Variants in SCARB1 observed in about 807,000 individuals in gnomAD.
SCARB1 encodes scavenger receptor class B member 1, also known as CD36 and LIMPII analogous 1.
In SCARB1, 30 loss-of-function variants were observed where a neutral mutation model predicts 57.2. That is an observed-to-expected ratio of 0.52 (90% CI 0.39 to 0.71). The LOEUF is 0.71. Ranked by LOEUF, SCARB1 falls within the 30% of genes least tolerant of loss-of-function variation. SCARB1 has a pLI of 0.00. For synonymous variants in SCARB1, 249 were observed against 268.3 expected (o/e 0.93, Z 0.70); for missense variants, 543 against 671.2 (o/e 0.81, Z 2.11).
chr12:124,841,040 G>A (rs986701918), intron 1 of SCARB1, among the ~76,000 whole-genome samples: 10 of 152,102 alleles, frequency 6.6e-5, no homozygotes, highest in Non-Finnish European at 1.2e-4. Flanking sequence ...GTAGTGGCAC[G>A]CACGTGTAAT....
chr12:124,786,018 C>A, intron 11 of SCARB1: 1 of 1,473,384 alleles, frequency 6.8e-7, no homozygotes, highest in Non-Finnish European at 9.0e-7. Flanking sequence ...TGCTGTACGT[C>A]CCCTCGCCCC....
Position 124,778,145 on chromosome 12 carries a change from G to A in SCARB1, c.*442C>T. On this transcript the variant is annotated 3_prime_UTR_variant, in exon 13 of 13. Transcript: ENST00000261693. ...TTGGCACAGGAAGGCGGCACTCCCA[G>A]CCTGGCCCGTCCTGCATGGGGAGCC... 3.7e-6 allele frequency: 1 copy of A among 271,730 alleles called. No individual in the cohort carries two copies. Among genetic ancestry groups the A allele is most frequent in the East Asian group, 6.7e-5 (1 of 14,892 alleles). 16.8% of individuals were successfully genotyped at this position (271,730 alleles called of 1,614,324 possible). A position where few individuals can be genotyped will look rare whatever the true frequency, so the allele number is the denominator to read the frequency against.
chr12:124,843,728 C>CTT (rs1420002385), intron 1 of SCARB1, among the ~76,000 whole-genome samples: 1 of 152,210 alleles, frequency 6.6e-6, no homozygotes, highest in African/African-American at 2.4e-5. Context: ...GCTGGAGGCC[C>CTT]TCCAAGCCCA....
At chr12:124,793,976 T>C (rs1166154699) in intron 9 of SCARB1, among the ~76,000 whole-genome samples, 1 of 152,204 alleles carries the variant, frequency 6.6e-6, no homozygotes, top group Non-Finnish European at 1.5e-5. Context: ...AGCCATAAAA[T>C]ATACTGATCC....
At chr12:124,795,128 C>T in intron 9 of SCARB1, 67 bp downstream of exon 9, 1 of 1,326,218 alleles carries the variant, frequency 7.5e-7, no homozygotes, top group Non-Finnish European at 1.1e-6. Context: ...GAGTCTGGGA[C>T]CACTGGAGCA....
At chr12:124,813,264 C>T (rs1181792808) in intron 4 of SCARB1, among the ~76,000 whole-genome samples, 1 of 152,248 alleles carries the variant, frequency 6.6e-6, no homozygotes, top group African/African-American at 2.4e-5. Context: ...CCCAGTTCCT[C>T]CATCTGCTCC....
chr12:124,830,246 G>A (rs1390000404), intron 1 of SCARB1, among the ~76,000 whole-genome samples: 1 of 152,212 alleles, frequency 6.6e-6, no homozygotes, highest in African/African-American at 2.4e-5. Context: ...CACATTGCTG[G>A]TGGAAGTGCA....
intron 1 of SCARB1, among the ~76,000 whole-genome samples, chr12:124,824,662 C>T (rs1431309762): frequency 1.3e-5 from 2 of 152,304 alleles, no homozygotes; most frequent in Non-Finnish European, 2.9e-5. Context: ...GAAACAGGAC[C>T]GCTGTGCACA....
intron 9 of SCARB1, among the ~76,000 whole-genome samples, chr12:124,792,721 C>CAAAAA (rs930596389): frequency 1.3e-4 from 4 of 31,660 alleles, no homozygotes; most frequent in Middle Eastern, 0.01. Context: ...GACTTCGTCT[C>CAAAAA]AAAAAAAAAA....
chr12:124,814,504 A>G lies in SCARB1; in HGVS notation c.427-99T>C, dbSNP rs1461258767. The G allele has an allele frequency of 3.1e-6, 4 of 1,310,830 alleles. No homozygotes were observed. The highest frequency in any genetic ancestry group is 3.3e-6 in the Non-Finnish European group (3 of 916,940). 81.2% of individuals were successfully genotyped at this position (1,310,830 alleles called of 1,614,324 possible). A position where few individuals can be genotyped will look rare whatever the true frequency, so the allele number is the denominator to read the frequency against. On this transcript the variant is annotated intron_variant, in intron 3 of 12. Coordinates refer to ENST00000261693, the MANE Select transcript of SCARB1 (RefSeq NM_005505.5). The surrounding 1 kb of genome is among the most constrained non-coding windows in gnomAD (Gnocchi z 4.7). Reference sequence around the variant, plus strand: ...TCACAGCAAAGAGCCCATGAAGGGAAATGCTGGGGTGCAGGAGGCCCCTGG... The same window carrying G: ...TCACAGCAAAGAGCCCATGAAGGGAGATGCTGGGGTGCAGGAGGCCCCTGG...
At chr12:124,856,962 G>A (rs1183673511) in intron 1 of SCARB1, among the ~76,000 whole-genome samples, 2 of 152,214 alleles carry the variant, frequency 1.3e-5, no homozygotes, top group African/African-American at 2.4e-5. Flanking sequence ...AAAGTTTGGC[G>A]GGGTGATGAT....
rs1468136979 is a variant in SCARB1 at position 124,800,355 on chromosome 12, A to C, written c.1010-113T>G. ...TGCAGGGCACCCCCGTGGCGATGACAAGATAACCAGACAGAGAGGATCCCT... is the reference window on the plus strand; with the variant it reads ...TGCAGGGCACCCCCGTGGCGATGACCAGATAACCAGACAGAGAGGATCCCT... On this transcript the variant is annotated intron_variant, in intron 7 of 12. Coordinates refer to ENST00000261693, the MANE Select transcript of SCARB1 (RefSeq NM_005505.5). The surrounding 1 kb of genome is among the most constrained non-coding windows in gnomAD (Gnocchi z 4.8). 2.7e-6 allele frequency: 2 copies of C among 747,078 alleles called. No individual in the cohort carries two copies. The highest frequency in any genetic ancestry group is 3.5e-5 in the African/African-American group (2 of 57,606). 46.3% of individuals were successfully genotyped at this position (747,078 alleles called of 1,614,324 possible). A position where few individuals can be genotyped will look rare whatever the true frequency, so the allele number is the denominator to read the frequency against.
At chr12:124,828,346 G>A (rs561598026) in intron 1 of SCARB1, among the ~76,000 whole-genome samples, 75 of 152,162 alleles carry the variant, frequency 4.9e-4, no homozygotes, top group Non-Finnish European at 1.9e-4. Context: ...CCACTGGAAC[G>A]ACCTCGGCCT....
Position 124,778,488 on chromosome 12 carries a change from CTGTCCGCTGG to C in SCARB1, c.*89_*98del. 3 of 1,347,884 alleles carry C rather than the reference CTGTCCGCTGG, an allele frequency of 2.2e-6. No homozygotes were observed. In the East Asian group the frequency reaches 9.1e-5, roughly 41 times the overall value. 83.5% of individuals were successfully genotyped at this position (1,347,884 alleles called of 1,614,324 possible). A position where few individuals can be genotyped will look rare whatever the true frequency, so the allele number is the denominator to read the frequency against. On this transcript the variant is annotated 3_prime_UTR_variant, in exon 13 of 13. Transcript: ENST00000261693. ...AGGCTCAGGCTGTGGGGCTGGGGGG[CTGTCCGCTGG>C]GAGAGTCCGGGAGAAGCGGGGTGTA...
At position 124,812,257 on chromosome 12, in the gene SCARB1, C is replaced by A. The variant is rs549561711; in HGVS notation, c.631-292G>T. Among the ~76,000 whole-genome samples, 30 of 152,328 alleles carry A rather than the reference C, an allele frequency of 2.0e-4. No individual in the cohort carries two copies. In the South Asian group the frequency reaches 6.0e-3, roughly 30 times the overall value. ...CAGATCACCCCCACCACACCCTACTCCAGCATAAAATAAAGCATGGCCAGG... is the reference window on the plus strand; with the variant it reads ...CAGATCACCCCCACCACACCCTACTACAGCATAAAATAAAGCATGGCCAGG... On this transcript the variant is annotated intron_variant, in intron 4 of 12. Coordinates refer to ENST00000261693, the MANE Select transcript of SCARB1 (RefSeq NM_005505.5). The surrounding 1 kb of genome is among the most constrained non-coding windows in gnomAD (Gnocchi z 4.3).
intron 11 of SCARB1, chr12:124,785,903 G>A (rs1344145225): frequency 2.9e-6 from 2 of 680,920 alleles, no homozygotes; most frequent in Admixed American, 6.1e-5. Flanking sequence ...TATCATGAGT[G>A]AAATTATCTT....
chr12:124,833,898 G>C (rs1951522310), intron 1 of SCARB1, among the ~76,000 whole-genome samples: 1 of 152,254 alleles, frequency 6.6e-6, no homozygotes, highest in Non-Finnish European at 1.5e-5. Context: ...GATCTGCGGA[G>C]CAGGACACTC....
intron 1 of SCARB1, among the ~76,000 whole-genome samples, chr12:124,823,840 GTATT>G (rs747300444): frequency 6.6e-6 from 1 of 152,070 alleles, no homozygotes; most frequent in Non-Finnish European, 1.5e-5. Flanking sequence ...AAAAAGAAAT[GTATT>G]TAAAGAGCCA....
chr12:124,805,822 G>A (rs117937153), intron 7 of SCARB1, among the ~76,000 whole-genome samples: 3,156 of 141,418 alleles, frequency 0.022, 65 homozygotes, highest in Middle Eastern at 0.06. Flanking sequence ...CTCCCACCTC[G>A]GCCTCCTACA....
Sources: allele counts gnomAD v4.1 joint callset (sites outside exome capture counted in the v4.1 genomes callset), GRCh38; gene constraint gnomAD v4.1.1; non-coding constraint Gnocchi (gnomAD v3.1); transcripts MANE v1.5; gene names NCBI Gene and HGNC (gene_info 2026-07-23, HGNC 2026-07-21).